Variants in CRNN observed in about 807,000 individuals in gnomAD.
The protein encoded by CRNN is 53 kDa putative calcium-binding protein.
In CRNN, 39 loss-of-function variants were observed where a neutral mutation model predicts 44.7. That is an observed-to-expected ratio of 0.87 (90% CI 0.68 to 1.14). The LOEUF (loss-of-function observed/expected upper bound fraction) is 1.14, where lower values mean the gene tolerates loss of function less well. CRNN is among the 50% of genes most tolerant of loss of function. The pLI is 0.00. For synonymous variants in CRNN, 240 were observed against 231.8 expected, an observed-to-expected ratio of 1.04 and a Z score of -0.32; for missense variants, 606 against 605.1, an observed-to-expected ratio of 1.00 and a Z score of -0.02.
rs200097329 is a variant in CRNN at position 152,410,320 on chromosome 1, G to A, written c.762C>T (p.Ser254=). The A allele has an allele frequency of 6.2e-7, 1 of 1,613,876 alleles. No individual in the cohort carries two copies. Among genetic ancestry groups the A allele is most frequent in the Non-Finnish European group, 8.5e-7 (1 of 1,179,986 alleles). The part of the protein sequence containing the change: ...QDSSHQTGRT[S]KQTQEATNDQ... ...CATTGGTGGCCTCCTGTGTCTGCTT[G>A]CTGGTTCTTCCTGTCTGGTGGCTGC... Residue 254 remains serine, a synonymous_variant, in exon 3 of 3, where the codon AGC becomes AGT. Transcript: ENST00000271835.
At chr1:152,411,352 A>G (rs569479410) in intron 2 of CRNN, among the ~76,000 whole-genome samples, 1 of 152,200 alleles carries the variant, frequency 6.6e-6, no homozygotes, top group Non-Finnish European at 1.5e-5. Context: ...ACACAGCCCC[A>G]TGGGAATTCT....
At chr1:152,413,573 C>A (rs182848744) in intron 1 of CRNN, among the ~76,000 whole-genome samples, 96 of 152,318 alleles carry the variant, frequency 6.3e-4, no homozygotes, top group Non-Finnish European at 9.4e-4. Context: ...TCAGGAGAAA[C>A]CCTTTCTAGG....
rs114512822 is a variant in CRNN, at chr1:152,411,436, G to T, written c.139-493C>A. Among the ~76,000 whole-genome samples, 433 of 152,302 alleles carry T rather than the reference G, an allele frequency of 2.8e-3. 2 individuals carry two copies. The highest frequency in any genetic ancestry group is 0.01 in the African/African-American group (418 of 41,570). ...GGAAGCAGTGGGCCCCTGCAGCGCTGCCCTGAGCATGTGGATGCAGCATCC... is the reference window on the plus strand; with the variant it reads ...GGAAGCAGTGGGCCCCTGCAGCGCTTCCCTGAGCATGTGGATGCAGCATCC... On this transcript the variant is annotated intron_variant, in intron 2 of 2. Transcript: ENST00000271835.
At position 152,409,871 on chromosome 1, in the gene CRNN, G is replaced by T. The variant is rs946357728; in HGVS notation, c.1211C>A (p.Ala404Asp). 1.2e-6 allele frequency: 2 copies of T among 1,614,176 alleles called. No individual in the cohort carries two copies. The highest frequency in any genetic ancestry group is 1.3e-5 in the African/African-American group (1 of 75,050). Residue 404 changes from alanine (A) to aspartate (D), a missense_variant, in exon 3 of 3, where the codon GCC (alanine) becomes GAC (aspartate). Transcript: ENST00000271835. ...EAGETVPGGQAQTGASTESGR... is the reference protein window; with the variant it reads ...EAGETVPGGQDQTGASTESGR... ...TGACTCAGTGCTTGCCCCAGTCTGGGCCTGTCCTCCCGGTACTGTCTCTCC... is the reference window on the plus strand; with the variant it reads ...TGACTCAGTGCTTGCCCCAGTCTGGTCCTGTCCTCCCGGTACTGTCTCTCC...
rs1475649715 is a variant in CRNN, at chr1:152,409,821, G to T, written c.1261C>A (p.His421Asn). The T allele has an allele frequency of 6.2e-7, 1 of 1,614,206 alleles. No homozygotes were observed. Among genetic ancestry groups the T allele is most frequent in the South Asian group, 1.1e-5 (1 of 91,078 alleles). ...ESGRQEWSST[H>N]PRRCVTEGQG... is the part of the protein sequence containing the mutation. ...CCTTCTGTCACACAGCGCCTTGGGT[G>T]AGTGCTGCTCCACTCCTGCCTTCCT... Residue 421 changes from histidine (H) to asparagine (N), a missense_variant, in exon 3 of 3, where the codon CAC becomes AAC. Coordinates refer to ENST00000271835, the MANE Select transcript of CRNN (RefSeq NM_016190.3).
Position 152,412,227 on chromosome 1 carries a change from G to C in CRNN, c.7C>G (p.Gln3Glu). ...ATCCCATTAATGTTTTGCAGTAACT[G>C]AGGCATCTTTGAAGTCAACCTGGAA... MP[Q>E]LLQNINGIIE... The change falls in exon 2 of 3, where the codon CAG (glutamine) becomes GAG (glutamate). Residue 3 changes from glutamine (Q) to glutamate (E), a missense_variant. By Grantham distance (29) the Gln-to-Glu change is conservative (BLOSUM62 2). Transcript: ENST00000271835. 1.9e-6 allele frequency: 3 copies of C among 1,608,354 alleles called. No homozygotes were observed. Among genetic ancestry groups the C allele is most frequent in the Non-Finnish European group, 2.6e-6 (3 of 1,175,408 alleles).
In CRNN at chr1:152,412,189, G is replaced by A; in HGVS notation, c.45C>T (p.Phe15=). The A allele has an allele frequency of 1.2e-6, 2 of 1,613,498 alleles. No individual in the cohort carries two copies. The highest frequency in any genetic ancestry group is 2.2e-5 in the South Asian group (2 of 91,044). Residue 15 remains phenylalanine (F), a synonymous_variant, in exon 2 of 3, where the codon TTC becomes TTT. Transcript: ENST00000271835. ...LQNINGIIEA[F]RRYARTEGNC... ...TGCCCTCCGTCCTTGCATAGCGCCT[G>A]AAGGCCTCGATGATCCCATTAATGT...
Position 152,409,264 on chromosome 1 carries a change from G to T in CRNN, c.*330C>A. 1 of 274,776 alleles carries T rather than the reference G, an allele frequency of 3.6e-6. No individual in the cohort carries two copies. The highest frequency in any genetic ancestry group is 6.8e-6 in the Non-Finnish European group (1 of 146,510). The allele number at this position is 274,776 out of a possible 1,614,324, so 17.0% of individuals were successfully genotyped here. A position where few individuals can be genotyped will look rare whatever the true frequency, so the allele number is the denominator to read the frequency against. The stretch of plus-strand genomic sequence containing the variant: ...GAGGCCAGTGGCTTAAGGTTTTATT[G>T]ATGCATTAGGGTAGATGGGGCAATA... On this transcript the variant is annotated 3_prime_UTR_variant, in exon 3 of 3. Coordinates refer to ENST00000271835, the MANE Select transcript of CRNN (RefSeq NM_016190.3).
At chr1:152,413,733 T>C (rs1002460077) in intron 1 of CRNN, among the ~76,000 whole-genome samples, 6 of 152,226 alleles carry the variant, frequency 3.9e-5, no homozygotes, top group Non-Finnish European at 7.3e-5. Flanking sequence ...AATAATAAGA[T>C]GACCTTTTAG....
chr1:152,411,965 A>G (rs1157235989), intron 2 of CRNN, 131 bp downstream of exon 2: 1 of 962,296 alleles, frequency 1.0e-6, no homozygotes, highest in African/African-American at 1.7e-5. Context: ...CTGCCTGCAC[A>G]GCTGCCATCT....
rs558818104 is a variant in CRNN, at chr1:152,411,583, G to T, written c.138+513C>A. ...GGTTTGCCAGGTGGGGTGGGGTGAG[G>T]CTCCAAAGTCTCCCCCTAGCTATTA... On this transcript the variant is annotated intron_variant, in intron 2 of 2. Coordinates refer to ENST00000271835, the MANE Select transcript of CRNN (RefSeq NM_016190.3). 2.6e-5 allele frequency among the ~76,000 whole-genome samples: 4 copies of T among 152,264 alleles called. No homozygotes were observed. In the South Asian group the frequency reaches 8.3e-4, roughly 32 times the overall value.
chr1:152,412,275 G>A, intron 1 of CRNN, 29 bp from the exon 2 acceptor site: 1 of 1,585,504 alleles, frequency 6.3e-7, no homozygotes, highest in Non-Finnish European at 8.6e-7. Flanking sequence ...TCCCTTGGAG[G>A]CTCCATAATC....
chr1:152,413,203 G>C (rs766079783), intron 1 of CRNN, among the ~76,000 whole-genome samples: 5 of 152,310 alleles, frequency 3.3e-5, no homozygotes, highest in Non-Finnish European at 7.3e-5. Flanking sequence ...GATTTCTGGT[G>C]ACCTATGAGT....
rs551661375 is a variant in CRNN at position 152,410,849 on chromosome 1, A to C, written c.233T>G (p.Val78Gly). 3.1e-6 allele frequency: 5 copies of C among 1,614,118 alleles called. No homozygotes were observed. In the East Asian group the frequency reaches 6.7e-5, roughly 22 times the overall value. ...TVEFKEFLVLVFKVAQACFKT... is the reference protein window; with the variant it reads ...TVEFKEFLVLGFKVAQACFKT... Reference sequence around the variant, plus strand: ...GAAACAGGCCTGGGCAACTTTAAACACTAAGACCAGGAATTCCTTGAATTC... The same window carrying C: ...GAAACAGGCCTGGGCAACTTTAAACCCTAAGACCAGGAATTCCTTGAATTC... Residue 78 changes from valine to glycine, a missense_variant, in exon 3 of 3, where the codon GTG becomes GGG. Physicochemically the swap from Val to Gly is moderately radical, Grantham distance 109. Transcript: ENST00000271835.
At chr1:152,413,512 A>G (rs757841052) in intron 1 of CRNN, among the ~76,000 whole-genome samples, 4 of 152,204 alleles carry the variant, frequency 2.6e-5, no homozygotes, top group Admixed American at 6.5e-5. Flanking sequence ...TAGAAAAAGC[A>G]GATTAGTGTG....
rs781590244 is a variant in CRNN, at chr1:152,410,370, C to T, written c.712G>A (p.Ala238Thr). The T allele has an allele frequency of 6.2e-7, 1 of 1,614,006 alleles. No homozygotes were observed. Among genetic ancestry groups the T allele is most frequent in the East Asian group, 2.2e-5 (1 of 44,868 alleles). ...CTGTCCTGCTCCACAGTCTGGGTGG[C>T]ACCTGCCTGGGTCTGAGTTCCAGAT... ...TGSGTQTQAG[A>T]TQTVEQDSSH... Residue 238 changes from alanine to threonine, a missense_variant, in exon 3 of 3, where the codon GCC (alanine) becomes ACC (threonine). Transcript: ENST00000271835.
chr1:152,411,017 C>T (rs1655744470), intron 2 of CRNN, 74 bp from the exon 3 acceptor site: 1 of 1,506,470 alleles, frequency 6.6e-7, no homozygotes, highest in Non-Finnish European at 8.8e-7. Context: ...CAATCTGCTG[C>T]CAGCTTCCCC....
At position 152,412,172 on chromosome 1, in the gene CRNN, G is replaced by A. The variant is rs201339909; in HGVS notation, c.62C>T (p.Thr21Met). The A allele has an allele frequency of 2.7e-5, 43 of 1,613,702 alleles. No individual in the cohort carries two copies. Among genetic ancestry groups the A allele is most frequent in the African/African-American group, 1.1e-4 (8 of 75,036 alleles). ...GGTGAGCGCTGTGCAGTTGCCCTCC[G>A]TCCTTGCATAGCGCCTGAAGGCCTC... The part of the protein sequence containing the change: ...IIEAFRRYAR[T>M]EGNCTALTRG... The change falls in exon 2 of 3, where the codon ACG becomes ATG. Residue 21 changes from threonine (T) to methionine (M), a missense_variant. Physicochemically the swap from Thr to Met is moderately conservative, Grantham distance 81 (BLOSUM62 -1). Transcript: ENST00000271835.
rs971393011 is a variant in CRNN, at chr1:152,414,126, A to G, written c.-14+88T>C. ...GCTCACAGCTAGCTCTGAAGGATGCATAGTCCATACCTGACTGCCCCAGTT... is the reference window on the plus strand; with the variant it reads ...GCTCACAGCTAGCTCTGAAGGATGCGTAGTCCATACCTGACTGCCCCAGTT... On this transcript the variant is annotated intron_variant, in intron 1 of 2. Transcript: ENST00000271835. 14 of 152,394 alleles carry G rather than the reference A, an allele frequency of 9.2e-5. No individual in the cohort carries two copies. In the South Asian group the frequency reaches 2.1e-3, roughly 23 times the overall value. The allele number at this position is 152,394 out of a possible 1,614,324, so 9.4% of individuals were successfully genotyped here. A position where few individuals can be genotyped will look rare whatever the true frequency, so the allele number is the denominator to read the frequency against.
Sources: allele counts gnomAD v4.1 joint callset (sites outside exome capture counted in the v4.1 genomes callset), GRCh38; gene constraint gnomAD v4.1.1; transcripts MANE v1.5; gene names NCBI Gene and HGNC (gene_info 2026-07-23, HGNC 2026-07-21).